Variants in SNRNP40 observed in about 807,000 individuals in gnomAD.
SNRNP40 encodes U5 small nuclear ribonucleoprotein 40 kDa protein.
In SNRNP40, 21 loss-of-function variants were observed where a neutral mutation model predicts 45.8. That is an observed-to-expected ratio of 0.46 (90% CI 0.32 to 0.66). SNRNP40 has a LOEUF of 0.66. Ranked by LOEUF, SNRNP40 falls within the 30% of genes least tolerant of loss-of-function variation. The pLI is 0.03. For missense variants in SNRNP40, 344 were observed against 439.1 expected (o/e 0.78, Z 1.94); for synonymous variants, 142 against 163.8 (o/e 0.87, Z 1.01).
chr1:31,276,604 G>C (rs1295266932), intron 5 of SNRNP40, among the ~76,000 whole-genome samples: 1 of 152,188 alleles, frequency 6.6e-6, no homozygotes, highest in Non-Finnish European at 1.5e-5. Flanking sequence ...AAGAGATCAT[G>C]GCTGGGCACA....
At position 31,289,523 on chromosome 1, in the gene SNRNP40, C is replaced by T. The variant is rs2148390722; in HGVS notation, c.366-104G>A. On this transcript the variant is annotated intron_variant, in intron 3 of 9. Coordinates refer to ENST00000263694, the MANE Select transcript of SNRNP40 (RefSeq NM_004814.3). ...GTGCCAAATTTTTCAAGATCACTGA[C>T]CTGCTGTGCTACGCCAGTTTGCCCA... 5 of 1,035,388 alleles carry T rather than the reference C, an allele frequency of 4.8e-6. No homozygotes were observed. In the Admixed American group the frequency reaches 5.7e-5, roughly 12 times the overall value. 64.1% of individuals were successfully genotyped at this position (1,035,388 alleles called of 1,614,324 possible).
intron 4 of SNRNP40, among the ~76,000 whole-genome samples, chr1:31,284,276 A>C (rs1163075770): frequency 6.6e-6 from 1 of 152,146 alleles, no homozygotes; most frequent in Non-Finnish European, 1.5e-5. Flanking sequence ...AGCCTCCTGG[A>C]TAGCTGGGAT....
At chr1:31,289,231 G>A in intron 4 of SNRNP40, 23 bp downstream of exon 4, 1 of 1,610,142 alleles carries the variant, frequency 6.2e-7, no homozygotes, top group Non-Finnish European at 8.5e-7. Flanking sequence ...TCAGAAACTG[G>A]AACACGGAGA....
At chr1:31,291,173 A>G (rs941750552) in intron 3 of SNRNP40, among the ~76,000 whole-genome samples, 1 of 151,760 alleles carries the variant, frequency 6.6e-6, no homozygotes, top group African/African-American at 2.4e-5. Flanking sequence ...CTGTAATCCC[A>G]GCTATTCTGG....
At chr1:31,294,319 T>C (rs1446171309) in intron 1 of SNRNP40, among the ~76,000 whole-genome samples, 1 of 152,162 alleles carries the variant, frequency 6.6e-6, no homozygotes, top group Non-Finnish European at 1.5e-5. Flanking sequence ...GTAGTTTTGA[T>C]TATGGTCTTG....
intron 8 of SNRNP40, 195 bp from the exon 9 acceptor site, chr1:31,261,827 G>A: frequency 4.6e-6 from 2 of 438,662 alleles, no homozygotes; most frequent in South Asian, 4.5e-5. Context: ...ATGGGGTGGA[G>A]AAATAAGAAT....
intron 4 of SNRNP40, among the ~76,000 whole-genome samples, chr1:31,282,862 G>C (rs113288346): frequency 6.6e-6 from 1 of 152,064 alleles, no homozygotes; most frequent in Non-Finnish European, 1.5e-5. Context: ...TTTTAGTAGA[G>C]ACAGGGTTTC....
chr1:31,267,429 T>C lies in SNRNP40; in HGVS notation c.920+442A>G, dbSNP rs561442210. On this transcript the variant is annotated intron_variant, in intron 8 of 9. Coordinates refer to ENST00000263694, the MANE Select transcript of SNRNP40 (RefSeq NM_004814.3). ...AACACGGTTTTGAAACCCTTCATAC[T>C]GCACAGAGCTTCATCTTCAAGCACA... Among the ~76,000 whole-genome samples, 17 of 152,386 alleles carry C rather than the reference T, an allele frequency of 1.1e-4. No individual in the cohort carries two copies. The South Asian group carries it at 3.5e-3, about 32-fold the overall frequency.
intron 1 of SNRNP40, among the ~76,000 whole-genome samples, chr1:31,294,892 A>C (rs1207160328): frequency 6.7e-6 from 1 of 149,728 alleles, no homozygotes; most frequent in Admixed American, 6.7e-5. Context: ...CGGTGCACCG[A>C]GATTGCGCCA....
intron 4 of SNRNP40, chr1:31,282,153 C>T (rs930610987): frequency 2.6e-5 from 4 of 152,084 alleles, no homozygotes; most frequent in Admixed American, 2.6e-4. Flanking sequence ...CCCATATTCC[C>T]AGTATGGTTT....
chr1:31,295,514 G>T (rs1045404409), intron 1 of SNRNP40, among the ~76,000 whole-genome samples: 4 of 152,200 alleles, frequency 2.6e-5, no homozygotes, highest in Admixed American at 6.5e-5. Flanking sequence ...CAATCCCACA[G>T]AGAGGACAGC....
At chr1:31,287,770 G>C (rs926043967) in intron 4 of SNRNP40, among the ~76,000 whole-genome samples, 5 of 152,034 alleles carry the variant, frequency 3.3e-5, no homozygotes, top group Non-Finnish European at 5.9e-5. Flanking sequence ...GAGGCCGAGG[G>C]GGGCGGATCA....
chr1:31,286,560 TC>T (rs1171304305), intron 4 of SNRNP40, among the ~76,000 whole-genome samples: 1 of 152,142 alleles, frequency 6.6e-6, no homozygotes, highest in Non-Finnish European at 1.5e-5. Flanking sequence ...AGTCTCAGAC[TC>T]CCTACACCAA....
intron 1 of SNRNP40, among the ~76,000 whole-genome samples, chr1:31,293,744 G>A (rs995390454): frequency 2.0e-4 from 30 of 152,062 alleles, no homozygotes; most frequent in Non-Finnish European, 3.8e-4. Context: ...AGCATGCCAT[G>A]CTAATTTTTT....
chr1:31,275,356 G>C (rs1293121545), intron 5 of SNRNP40, among the ~76,000 whole-genome samples: 2 of 151,940 alleles, frequency 1.3e-5, no homozygotes, highest in Non-Finnish European at 2.9e-5. Context: ...TCCTGAGTTC[G>C]AGAGAGCAAT....
At chr1:31,280,767 GT>G (rs373402074) in intron 5 of SNRNP40, among the ~76,000 whole-genome samples, 193 of 143,392 alleles carry the variant, frequency 1.3e-3, no homozygotes, top group Admixed American at 1.7e-3. Flanking sequence ...AGATGCTACT[GT>G]TTTTTTTTTT....
chr1:31,289,207 C>G, intron 4 of SNRNP40, 47 bp downstream of exon 4: 1 of 1,581,660 alleles, frequency 6.3e-7, no homozygotes, highest in South Asian at 1.1e-5. Context: ...AGATAAGGTT[C>G]ACATCACATC....
At chr1:31,278,439 A>G (rs879469179) in intron 5 of SNRNP40, among the ~76,000 whole-genome samples, 1 of 152,190 alleles carries the variant, frequency 6.6e-6, no homozygotes, top group Admixed American at 6.5e-5. Flanking sequence ...GTACACCAAA[A>G]ATGTTTATTT....
chr1:31,289,808 C>G (rs944637278), intron 3 of SNRNP40, among the ~76,000 whole-genome samples: 1 of 152,206 alleles, frequency 6.6e-6, no homozygotes, highest in Non-Finnish European at 1.5e-5. Flanking sequence ...ACCGACCTGA[C>G]AGCTGAGTGA....
Sources: gnomAD v4.1 joint callset for allele counts (sites outside exome capture counted in the v4.1 genomes callset) on GRCh38, gnomAD v4.1.1 for gene constraint, MANE v1.5 for transcripts, NCBI Gene and HGNC (gene_info 2026-07-23, HGNC 2026-07-21) for gene names.